The following ARSG variants were observed in gnomAD, a reference collection of about 807,000 sequenced individuals.
The protein encoded by ARSG is arylsulfatase G, also known as ASG.
In ARSG, 37 loss-of-function variants were observed where a neutral mutation model predicts 50.5. The ratio of observed to expected loss-of-function variants is 0.73; its 90% CI spans 0.56 to 0.96. ARSG has a LOEUF of 0.96. ARSG is among the 50% of genes least tolerant of loss of function. The pLI is 0.00. For missense variants in ARSG, 629 were observed against 675.3 expected, an observed-to-expected ratio of 0.93 and a Z score of 0.76; for synonymous variants, 225 against 254.6, an observed-to-expected ratio of 0.88 and a Z score of 1.11.
rs368689864 is a variant in ARSG at position 68,356,667 on chromosome 17, G to T, written c.567G>T (p.Arg189Ser). Residue 189 changes from arginine (R) to serine (S), a missense_variant and splice_region_variant, in exon 6 of 12, where the codon AGG (arginine) becomes AGT (serine). Physicochemically the swap from Arg to Ser is moderately radical, Grantham distance 110. Transcript: ENST00000621439. ...PACPQGDGPSRNLQRDCYTDV... is the reference protein window; with the variant it reads ...PACPQGDGPSSNLQRDCYTDV... ...TCTATGGTCTGTGGTTTCCACACAG[G>T]AACCTTCAAAGAGACTGTTACACTG... The T allele has an allele frequency of 2.5e-6, 4 of 1,614,184 alleles. No homozygotes were observed. Among genetic ancestry groups the T allele is most frequent in the Non-Finnish European group, 2.5e-6 (3 of 1,180,018 alleles).
intron 1 of ARSG, among the ~76,000 whole-genome samples, chr17:68,266,254 T>C (rs1555746337): frequency 6.6e-6 from 1 of 151,900 alleles, no homozygotes; most frequent in African/African-American, 2.4e-5. Flanking sequence ...TTCCCTCTTC[T>C]GTTATTCATT....
chr17:68,331,213 C>CTTTCTTTCTTTG (rs2077737373), intron 2 of ARSG, among the ~76,000 whole-genome samples: 1 of 40,986 alleles, frequency 2.4e-5, no homozygotes, highest in African/African-American at 9.8e-5. Context: ...TTCTTTCTTT[C>CTTTCTTTCTTTG]TTTCTTTCTT....
intron 1 of ARSG, among the ~76,000 whole-genome samples, chr17:68,259,891 G>A (rs2144815725): frequency 6.6e-6 from 1 of 152,290 alleles, no homozygotes; most frequent in East Asian, 1.9e-4. Context: ...TACTAGGAGA[G>A]GAAGGCTTAT....
the ARSG span, among the ~76,000 whole-genome samples, chr17:68,429,795 G>T: frequency 1.3e-5 from 2 of 152,078 alleles, no homozygotes; most frequent in South Asian, 2.1e-4. Flanking sequence ...CACCACGTTG[G>T]CCAGGCTGGT....
chr17:68,396,149 C>T (rs2081238876), intron 10 of ARSG, among the ~76,000 whole-genome samples: 1 of 152,040 alleles, frequency 6.6e-6, no homozygotes, highest in African/African-American at 2.4e-5. Flanking sequence ...CCTGGGACTA[C>T]ACCCTCCCGA....
chr17:68,398,381 G>T (rs2081340447), intron 10 of ARSG, among the ~76,000 whole-genome samples: 1 of 152,068 alleles, frequency 6.6e-6, no homozygotes, highest in Non-Finnish European at 1.5e-5. Flanking sequence ...GCAGGTGTAT[G>T]CACATGTATA....
rs980337967 is a variant in ARSG at position 68,399,519 on chromosome 17, C to T, written c.1213-1841C>T. On this transcript the variant is annotated intron_variant, in intron 10 of 11. Coordinates refer to ENST00000621439, the MANE Select transcript of ARSG (RefSeq NM_001267727.2). This position sits in a 1 kb window ranked among gnomAD's most constrained non-coding sequence, Gnocchi z 4.6. ...TCTGGAGAGCTGTGATTCATGTGTA[C>T]TTTTGACAGCTTCCTTCCTATATTG... Among the ~76,000 whole-genome samples the T allele has an allele frequency of 1.3e-5, 2 of 152,202 alleles. No individual in the cohort carries two copies. Among genetic ancestry groups the T allele is most frequent in the Non-Finnish European group, 2.9e-5 (2 of 68,032 alleles).
At chr17:68,369,883 G>A (rs572070264) in intron 7 of ARSG, among the ~76,000 whole-genome samples, 76 of 152,316 alleles carry the variant, frequency 5.0e-4, no homozygotes, top group African/African-American at 1.8e-3. Flanking sequence ...GAAAGGCAAG[G>A]AAGGCAAGAG....
chr17:68,286,214 A>T (rs1555754321), intron 1 of ARSG, among the ~76,000 whole-genome samples: 1 of 152,204 alleles, frequency 6.6e-6, no homozygotes, highest in Non-Finnish European at 1.5e-5. Context: ...TTCTGGTGCC[A>T]GCTGCCCCTT....
At chr17:68,340,353 C>T (rs1161022081) in intron 2 of ARSG, among the ~76,000 whole-genome samples, 13 of 152,010 alleles carry the variant, frequency 8.6e-5, no homozygotes, top group African/African-American at 2.7e-4. Context: ...GGTGCGATCT[C>T]GGCTCACTGC....
intron 1 of ARSG, among the ~76,000 whole-genome samples, chr17:68,294,133 T>C (rs2076122165): frequency 6.6e-6 from 1 of 152,102 alleles, no homozygotes; most frequent in African/African-American, 2.4e-5. Context: ...TCTTAGCCTC[T>C]CCTGTTGTGT....
intron 1 of ARSG, chr17:68,274,430 C>G: frequency 5.7e-6 from 1 of 176,966 alleles, no homozygotes; most frequent in Non-Finnish European, 1.2e-5. Context: ...TGCACCACTG[C>G]ACTCCATACT....
At chr17:68,262,596 A>G (rs1188555444) in intron 1 of ARSG, among the ~76,000 whole-genome samples, 10 of 152,074 alleles carry the variant, frequency 6.6e-5, no homozygotes, top group Non-Finnish European at 1.0e-4. Flanking sequence ...GTGCTGTAAG[A>G]GGATTACTGT....
chr17:68,402,566 C>T (rs1206748667), intron 11 of ARSG, among the ~76,000 whole-genome samples: 1 of 151,264 alleles, frequency 6.6e-6, no homozygotes, highest in East Asian at 1.9e-4. Flanking sequence ...GCTCTGTCAC[C>T]CAGGCTGGAG....
intron 8 of ARSG, among the ~76,000 whole-genome samples, chr17:68,373,445 T>C (rs544840091): frequency 6.6e-6 from 1 of 151,998 alleles, no homozygotes; most frequent in Non-Finnish European, 1.5e-5. Context: ...GCCAGGCTGG[T>C]CTTGAACTCC....
chr17:68,387,842 A>G (rs1226125731), intron 9 of ARSG, among the ~76,000 whole-genome samples: 7 of 152,136 alleles, frequency 4.6e-5, no homozygotes, highest in Non-Finnish European at 1.0e-4. Context: ...AGCATCAGAG[A>G]GTGGTCAAGT....
chr17:68,404,502 G>C (rs984736428), intron 11 of ARSG, among the ~76,000 whole-genome samples: 12 of 152,130 alleles, frequency 7.9e-5, no homozygotes, highest in African/African-American at 2.7e-4. Context: ...ATTTTCAAGT[G>C]TTAAGCCAAC....
chr17:68,354,633 C>T (rs1342618085), intron 5 of ARSG, among the ~76,000 whole-genome samples: 2 of 152,006 alleles, frequency 1.3e-5, no homozygotes, highest in Non-Finnish European at 2.9e-5. Flanking sequence ...CCTGTAATCC[C>T]AGCACTTTGG....
At chr17:68,308,019 A>G (rs1004782895) in intron 2 of ARSG, among the ~76,000 whole-genome samples, 9 of 152,112 alleles carry the variant, frequency 5.9e-5, no homozygotes, top group African/African-American at 2.2e-4. Flanking sequence ...AAGGAAAGTA[A>G]GGGGCTAGGT....
Sources: allele counts gnomAD v4.1 joint callset (sites outside exome capture counted in the v4.1 genomes callset), GRCh38; gene constraint gnomAD v4.1.1; non-coding constraint Gnocchi (gnomAD v3.1); transcripts MANE v1.5; gene names NCBI Gene and HGNC (gene_info 2026-07-23, HGNC 2026-07-21).